Variants in SGSM2 observed in about 807,000 individuals in gnomAD.
SGSM2 encodes RUN and TBC1 domain containing 1.
A neutral mutation model predicts 126.6 loss-of-function variants in SGSM2; 89 were observed. That is an observed-to-expected ratio of 0.70 (90% CI 0.59 to 0.84). SGSM2 has a LOEUF of 0.84. Among genes scored for constraint, SGSM2 ranks in the 40% least tolerant of loss-of-function variants. The pLI is 0.00. For synonymous variants in SGSM2, 614 were observed against 574.3 expected (o/e 1.07, Z -0.99); for missense variants, 1,404 against 1,416.6 (o/e 0.99, Z 0.14).
At position 2,380,367 on chromosome 17, in the gene SGSM2, C is replaced by G. The variant is rs973936054; in HGVS notation, c.*847C>G. On this transcript the variant is annotated 3_prime_UTR_variant, in exon 24 of 24. Coordinates refer to ENST00000268989, the MANE Select transcript of SGSM2 (RefSeq NM_014853.3). ...CTGAGGAATCCCAGGGTGACTCTGT[C>G]GGGGAAGAATCCGGTCACAGCCTCC... The G allele has an allele frequency of 6.8e-7, 1 of 1,462,724 alleles. No homozygotes were observed. The highest frequency in any genetic ancestry group is 2.5e-5 in the East Asian group (1 of 40,548). The allele number at this position is 1,462,724 out of a possible 1,614,324, so 90.6% of individuals were successfully genotyped here. A position where few individuals can be genotyped will look rare whatever the true frequency, so the allele number is the denominator to read the frequency against.
chr17:2,346,725 G>A (rs567630069), intron 2 of SGSM2, among the ~76,000 whole-genome samples: 1 of 152,188 alleles, frequency 6.6e-6, no homozygotes, highest in East Asian at 1.9e-4. Context: ...TCCCAGGCCC[G>A]AGGATCAGAA....
At position 2,375,845 on chromosome 17, in the gene SGSM2, G is replaced by C; in HGVS notation, c.2454G>C (p.Glu818Asp). The change falls in exon 18 of 24, where the codon GAG becomes GAC. Residue 818 changes from glutamate to aspartate, a missense_variant. By Grantham distance (45) the Glu-to-Asp change is conservative. Transcript: ENST00000268989. The part of the protein sequence containing the change: ...PQAGELEAGE[E>D]LAAVCAAAYT... ...CCGGAGAACTGGAGGCCGGAGAGGA[G>C]CTTGCGGCTGTGTGTGCGGCTGCCT... 2 of 1,531,344 alleles carry C rather than the reference G, an allele frequency of 1.3e-6. No individual in the cohort carries two copies. Among genetic ancestry groups the C allele is most frequent in the Non-Finnish European group, 8.7e-7 (1 of 1,144,186 alleles). The allele number at this position is 1,531,344 out of a possible 1,614,324, so 94.9% of individuals were successfully genotyped here.
At chr17:2,377,483 CAAAAA>C (rs11339431) in intron 21 of SGSM2, 5 of 112,554 alleles carry the variant, frequency 4.4e-5, no homozygotes, top group South Asian at 4.2e-4. Flanking sequence ...GACTCTGTCT[CAAAAA>C]AAAAAAAAAA....
intron 2 of SGSM2, among the ~76,000 whole-genome samples, chr17:2,352,767 CTTTTTT>C (rs71150860): frequency 0.13 from 11,180 of 85,938 alleles, 938 homozygotes; most frequent in African/African-American, 0.23. Context: ...GCTGCATTTT[CTTTTTT>C]TTTTTTTTTT....
intron 18 of SGSM2, 114 bp from the exon 19 acceptor site, chr17:2,376,023 G>T: frequency 6.4e-7 from 1 of 1,551,658 alleles, no homozygotes; most frequent in Non-Finnish European, 8.7e-7. Flanking sequence ...ATCCCCACAG[G>T]ACTCGCTCTG....
intron 1 of SGSM2, among the ~76,000 whole-genome samples, chr17:2,339,520 C>A (rs1016934516): frequency 6.6e-6 from 1 of 151,852 alleles, no homozygotes; most frequent in Non-Finnish European, 1.5e-5. Flanking sequence ...GTCAGGAGAT[C>A]GAGACCATCC....
chr17:2,341,163 G>A (rs1479953984), intron 1 of SGSM2, among the ~76,000 whole-genome samples: 1 of 152,058 alleles, frequency 6.6e-6, no homozygotes, highest in East Asian at 1.9e-4. Context: ...TTTCACTCTT[G>A]TTGCCCAGGC....
rs778947950 is a variant in SGSM2, at chr17:2,372,187, C to T, written c.1578-3C>T. 6.2e-7 allele frequency: 1 copy of T among 1,613,320 alleles called. No homozygotes were observed. Among genetic ancestry groups the T allele is most frequent in the Admixed American group, 1.7e-5 (1 of 60,018 alleles). On this transcript the variant is annotated splice_region_variant and splice_polypyrimidine_tract_variant and intron_variant, in intron 13 of 23. Coordinates refer to ENST00000268989, the MANE Select transcript of SGSM2 (RefSeq NM_014853.3). This position sits in a 1 kb window ranked among gnomAD's most constrained non-coding sequence, Gnocchi z 6.0. ...TCCCTGCTGAGCCCGGTTGTTGCCACAGGTTGCCGCTCAGGCTACTGTGTG... is the reference window on the plus strand; with the variant it reads ...TCCCTGCTGAGCCCGGTTGTTGCCATAGGTTGCCGCTCAGGCTACTGTGTG...
At chr17:2,370,218 TCTC>T (rs1347463421) in intron 12 of SGSM2, among the ~76,000 whole-genome samples, 1 of 152,174 alleles carries the variant, frequency 6.6e-6, no homozygotes, top group East Asian at 1.9e-4. Context: ...TCCGAACTCT[TCTC>T]CACTCTCTCC....
intron 17 of SGSM2, among the ~76,000 whole-genome samples, chr17:2,374,860 CAG>C (rs1160426287): frequency 2.0e-5 from 3 of 152,198 alleles, no homozygotes; most frequent in Admixed American, 6.5e-5. Flanking sequence ...GTGGTGAAAA[CAG>C]AGAGAGAAAA....
At chr17:2,339,587 G>A (rs1163220466) in intron 1 of SGSM2, among the ~76,000 whole-genome samples, 3 of 150,712 alleles carry the variant, frequency 2.0e-5, no homozygotes, top group Non-Finnish European at 2.9e-5. Context: ...GGTGGCGGGC[G>A]AATGTAGTCC....
chr17:2,363,901 G>C lies in SGSM2; in HGVS notation c.808-158G>C. The stretch of plus-strand genomic sequence containing the variant: ...GCACCAGGCTGACCAGGGAAACTGA[G>C]TCCTGTTTTCCTGTGCTTCTGCCCC... On this transcript the variant is annotated intron_variant, in intron 7 of 23. Transcript: ENST00000268989. The surrounding 1 kb of genome is among the most constrained non-coding windows in gnomAD (Gnocchi z 4.2). 1.1e-6 allele frequency: 1 copy of C among 889,720 alleles called. No homozygotes were observed. The highest frequency in any genetic ancestry group is 1.7e-6 in the Non-Finnish European group (1 of 584,398). 55.1% of individuals were successfully genotyped at this position (889,720 alleles called of 1,614,324 possible).
At chr17:2,350,121 C>T (rs1203025233) in intron 2 of SGSM2, among the ~76,000 whole-genome samples, 1 of 151,652 alleles carries the variant, frequency 6.6e-6, no homozygotes, top group African/African-American at 2.4e-5. Context: ...GGGATTTCAC[C>T]ATGATGCCCA....
intron 22 of SGSM2, among the ~76,000 whole-genome samples, chr17:2,378,790 AC>A (rs746852681): frequency 7.9e-5 from 12 of 152,180 alleles, no homozygotes; most frequent in Admixed American, 4.6e-4. Flanking sequence ...GGGGTACAGA[AC>A]CCCCATTCCT....
At chr17:2,351,249 T>G (rs2064837767) in intron 2 of SGSM2, among the ~76,000 whole-genome samples, 1 of 148,220 alleles carries the variant, frequency 6.7e-6, no homozygotes, top group African/African-American at 2.5e-5. Flanking sequence ...CGAGACTCAG[T>G]CTCAAAAAAA....
rs938722361 is a variant in SGSM2 at position 2,365,259 on chromosome 17, C to T, written c.1206C>T (p.Ser402=). The change falls in exon 11 of 24, where the codon TCC becomes TCT. Residue 402 remains serine (S), a synonymous_variant. Coordinates refer to ENST00000268989, the MANE Select transcript of SGSM2 (RefSeq NM_014853.3). ...TACGGAAACGAAGCAGCATTCGCTC[C>T]GTGGATATGGAGGAGATGGGCACGG... ...PKLRKRSSIR[S]VDMEEMGTGR... The T allele has an allele frequency of 8.1e-6, 13 of 1,611,150 alleles. No homozygotes were observed. The highest frequency in any genetic ancestry group is 5.3e-5 in the African/African-American group (4 of 74,846).
At chr17:2,368,589 A>C (rs927772479) in intron 12 of SGSM2, among the ~76,000 whole-genome samples, 2 of 152,158 alleles carry the variant, frequency 1.3e-5, no homozygotes, top group Admixed American at 1.3e-4. Context: ...TCTGTGTTAG[A>C]ACACACCCAG....
chr17:2,349,844 A>G (rs1159627183), intron 2 of SGSM2, among the ~76,000 whole-genome samples: 12 of 151,402 alleles, frequency 7.9e-5, no homozygotes, highest in Admixed American at 3.3e-4. Flanking sequence ...CTGGAGTGCA[A>G]TGGAGCGGTC....
chr17:2,365,706 A>G (rs1408879342), intron 11 of SGSM2, among the ~76,000 whole-genome samples: 1 of 144,598 alleles, frequency 6.9e-6, no homozygotes, highest in African/African-American at 2.6e-5. Context: ...CTGCTCCCCA[A>G]CCCCTACAAG....
Sources: gnomAD v4.1 joint callset for allele counts (sites outside exome capture counted in the v4.1 genomes callset) on GRCh38, gnomAD v4.1.1 for gene constraint, Gnocchi (gnomAD v3.1) non-coding constraint, MANE v1.5 for transcripts, NCBI Gene and HGNC (gene_info 2026-07-23, HGNC 2026-07-21) for gene names.